CDH4: variants seen among roughly 807,000 people sequenced by gnomAD.
CDH4 encodes the protein cadherin 4, also known as cadherin-4.
A neutral mutation model predicts 86.0 loss-of-function variants in CDH4; 33 were observed. The observed-to-expected ratio is 0.38, with a 90% CI of 0.29 to 0.51. CDH4 has a LOEUF of 0.51. Ranked by LOEUF, CDH4 falls within the 20% of genes least tolerant of loss-of-function variation. CDH4 has a pLI of 0.86. For missense variants in CDH4, 1,114 were observed against 1,307.4 expected (o/e 0.85, Z 2.28); for synonymous variants, 555 against 549.4 (o/e 1.01, Z -0.14).
chr20:61,745,649 C>T (rs991530685), intron 3 of CDH4, among the ~76,000 whole-genome samples: 3 of 152,076 alleles, frequency 2.0e-5, no homozygotes, highest in Admixed American at 6.5e-5. Context: ...TTACAAGCCA[C>T]GCCCTGGTGA....
chr20:61,873,921 C>T, intron 7 of CDH4, 21 bp downstream of exon 7: 2 of 1,609,714 alleles, frequency 1.2e-6, no homozygotes, highest in African/African-American at 2.7e-5. Context: ...GTGGGGTCTG[C>T]GTGCAGGCGG....
chr20:61,738,126 G>C (rs1328075971), intron 2 of CDH4: 1 of 152,218 alleles, frequency 6.6e-6, no homozygotes. Flanking sequence ...CCAATCCTCT[G>C]TGCCACCTCC....
intron 2 of CDH4, among the ~76,000 whole-genome samples, chr20:61,649,903 G>A (rs1229815420): frequency 6.6e-6 from 1 of 152,194 alleles, no homozygotes; most frequent in Non-Finnish European, 1.5e-5. Flanking sequence ...AGGACGCTGA[G>A]CTATGGCCCG....
At chr20:61,648,898 A>G (rs1168831364) in intron 2 of CDH4, among the ~76,000 whole-genome samples, 2 of 152,192 alleles carry the variant, frequency 1.3e-5, no homozygotes, top group African/African-American at 4.8e-5. Context: ...TTTTATGGGA[A>G]GGAGTTTGTC....
At chr20:61,302,535 G>C (rs1258681957) in intron 2 of CDH4, among the ~76,000 whole-genome samples, 2 of 151,858 alleles carry the variant, frequency 1.3e-5, no homozygotes, top group Non-Finnish European at 2.9e-5. Context: ...AGAATGGGAG[G>C]GTCTGACTGA....
intron 2 of CDH4, among the ~76,000 whole-genome samples, chr20:61,660,136 C>T (rs1468829839): frequency 6.6e-6 from 1 of 152,168 alleles, no homozygotes; most frequent in Non-Finnish European, 1.5e-5. Context: ...CCGGCTGAGC[C>T]TTGGGTGACG....
rs532833222 is a variant in CDH4 at position 61,858,734 on chromosome 20, G to A, written c.877+5836G>A. Among the ~76,000 whole-genome samples the A allele has an allele frequency of 1.3e-4, 20 of 152,280 alleles. No homozygotes were observed. The South Asian group carries it at 3.1e-3, about 24-fold the overall frequency. On this transcript the variant is annotated intron_variant, in intron 6 of 15. Transcript: ENST00000614565. The stretch of plus-strand genomic sequence containing the variant: ...CGTTCTCTGGATGTACAGCCAGGTC[G>A]TATCCATAGCTCGTTCCTTTCTGTG...
Position 61,855,595 on chromosome 20 carries a change from T to A in CDH4, c.877+2697T>A, listed in dbSNP as rs1260804661. 2.0e-5 allele frequency among the ~76,000 whole-genome samples: 3 copies of A among 152,206 alleles called. No homozygotes were observed. The East Asian group carries it at 5.8e-4, about 29-fold the overall frequency. ...CGCCTGGATTTTCCTGGCCTTTCTATCACAAATCAAACCTCCCGTGTCTTA... is the reference window on the plus strand; with the variant it reads ...CGCCTGGATTTTCCTGGCCTTTCTAACACAAATCAAACCTCCCGTGTCTTA... On this transcript the variant is annotated intron_variant, in intron 6 of 15. Transcript: ENST00000614565.
chr20:61,334,641 C>G (rs2084607496), intron 2 of CDH4, among the ~76,000 whole-genome samples: 1 of 152,198 alleles, frequency 6.6e-6, no homozygotes, highest in Non-Finnish European at 1.5e-5. Flanking sequence ...GGACCCAACC[C>G]CTCCCAAAGG....
At position 61,392,086 on chromosome 20, in the gene CDH4, G is replaced by A. The variant is rs1415836644; in HGVS notation, c.169+137149G>A. Among the ~76,000 whole-genome samples, 3 of 152,006 alleles carry A rather than the reference G, an allele frequency of 2.0e-5. No homozygotes were observed. The East Asian group carries it at 5.8e-4, about 29-fold the overall frequency. ...TGGGTTTCAGCATCGCGGGGGCTGT[G>A]GAGAAAGGCCTAGAGAGCTTTGCAG... On this transcript the variant is annotated intron_variant, in intron 2 of 15. Transcript: ENST00000614565. The surrounding 1 kb of genome is among the most constrained non-coding windows in gnomAD (Gnocchi z 5.7).
chr20:61,711,916 G>A (rs1021695080), intron 2 of CDH4, among the ~76,000 whole-genome samples: 1 of 152,180 alleles, frequency 6.6e-6, no homozygotes, highest in African/African-American at 2.4e-5. Context: ...CAGTGCAAGT[G>A]TCCTGGGGTG....
intron 2 of CDH4, among the ~76,000 whole-genome samples, chr20:61,304,394 A>G (rs2084403222): frequency 6.6e-6 from 1 of 151,596 alleles, no homozygotes; most frequent in South Asian, 2.1e-4. Context: ...TTATTATTTC[A>G]TATTACATTG....
At chr20:61,472,163 G>T (rs2085507681) in intron 2 of CDH4, among the ~76,000 whole-genome samples, 1 of 152,060 alleles carries the variant, frequency 6.6e-6, no homozygotes, top group East Asian at 1.9e-4. Flanking sequence ...GATAATATTT[G>T]CTTTAGATAT....
chr20:61,397,066 C>T (rs1319364987), intron 2 of CDH4, among the ~76,000 whole-genome samples: 1 of 152,180 alleles, frequency 6.6e-6, no homozygotes, highest in Non-Finnish European at 1.5e-5. Flanking sequence ...TGCGCCACCA[C>T]ACCCGGCTAA....
chr20:61,299,148 A>T (rs2427054), intron 2 of CDH4, among the ~76,000 whole-genome samples: 140,522 of 152,226 alleles, frequency 0.92, 65,509 homozygotes, highest in Non-Finnish European at 0.99. Flanking sequence ...CTAAATCCAA[A>T]GACCCGTGCT....
chr20:61,715,832 T>C (rs111579733), intron 2 of CDH4, among the ~76,000 whole-genome samples: 7,090 of 152,250 alleles, frequency 0.047, 512 homozygotes, highest in African/African-American at 0.15. Context: ...TCCCATGCAC[T>C]GGGCCAGGCC....
intron 2 of CDH4, among the ~76,000 whole-genome samples, chr20:61,551,455 C>G (rs2086129114): frequency 6.6e-6 from 1 of 152,210 alleles, no homozygotes; most frequent in African/African-American, 2.4e-5. Flanking sequence ...AACAGAACCT[C>G]CCCAGCATCC....
At chr20:61,652,938 A>ATTTATTTATT (rs1555819716) in intron 2 of CDH4, among the ~76,000 whole-genome samples, 1 of 97,400 alleles carries the variant, frequency 1.0e-5, no homozygotes, top group African/African-American at 3.4e-5. Flanking sequence ...TTATTTATTT[A>ATTTATTTATT]TTTTTTTTTT....
intron 7 of CDH4, among the ~76,000 whole-genome samples, chr20:61,876,563 T>C (rs1984034283): frequency 6.6e-6 from 1 of 152,136 alleles, no homozygotes; most frequent in Non-Finnish European, 1.5e-5. Context: ...ACGCAGTCCA[T>C]GAACACATCT....
Sources: gnomAD v4.1 joint callset for allele counts (sites outside exome capture counted in the v4.1 genomes callset) on GRCh38, gnomAD v4.1.1 for gene constraint, Gnocchi (gnomAD v3.1) non-coding constraint, MANE v1.5 for transcripts, NCBI Gene and HGNC (gene_info 2026-07-23, HGNC 2026-07-21) for gene names.